HDAC4: variants seen among roughly 807,000 people sequenced by gnomAD.
HDAC4 encodes histone deacetylase 4, also known as histone deacetylase A.
In HDAC4, 16 loss-of-function variants were observed where a neutral mutation model predicts 135.1. That is an observed-to-expected ratio of 0.12 (90% CI 0.08 to 0.18). The LOEUF (loss-of-function observed/expected upper bound fraction) is 0.18. Among genes scored for constraint, HDAC4 ranks in the 10% least tolerant of loss-of-function variants. The pLI, the probability that HDAC4 is intolerant of heterozygous loss-of-function variation, is 1.00. For missense variants in HDAC4, 1,143 were observed against 1,511.8 expected (o/e 0.76, Z 4.05); for synonymous variants, 685 against 653.4 (o/e 1.05, Z -0.74).
At chr2:239,184,782 A>AG (rs2044419230) in intron 4 of HDAC4, among the ~76,000 whole-genome samples, 1 of 60,788 alleles carries the variant, frequency 1.6e-5, no homozygotes, top group Admixed American at 2.6e-4. Flanking sequence ...TCTGCCCTGG[A>AG]GGATGTGTCC....
At chr2:239,396,126 G>A (rs34987852) in intron 1 of HDAC4, among the ~76,000 whole-genome samples, 5 of 151,400 alleles carry the variant, frequency 3.3e-5, no homozygotes, top group Admixed American at 6.6e-5. Context: ...ACAGGCACAC[G>A]ACGTCATGCC....
intron 11 of HDAC4, 81 bp downstream of exon 11, chr2:239,134,164 C>T: frequency 2.6e-6 from 3 of 1,166,900 alleles, no homozygotes; most frequent in Non-Finnish European, 2.5e-6. Context: ...CTGTCTCCTC[C>T]AAAGGCAGGC....
At chr2:239,106,063 C>T (rs573755315) in intron 15 of HDAC4, among the ~76,000 whole-genome samples, 94 of 152,348 alleles carry the variant, frequency 6.2e-4, no homozygotes, top group Non-Finnish European at 1.0e-3. Context: ...CCCTGAGATC[C>T]TGCCAGGCTC....
intron 22 of HDAC4, among the ~76,000 whole-genome samples, chr2:239,074,477 G>T (rs2034532075): frequency 6.6e-6 from 1 of 152,268 alleles, no homozygotes; most frequent in Non-Finnish European, 1.5e-5. Flanking sequence ...TAGGCTTGGT[G>T]TGTGGTGTTG....
Position 239,134,562 on chromosome 2 carries a change from T to C in HDAC4, c.1060A>G (p.Ile354Val). The change falls in exon 10 of 27, where the codon ATC becomes GTC. Residue 354 changes from isoleucine (I) to valine (V), a missense_variant. Physicochemically the swap from Ile to Val is conservative, Grantham distance 29. This residue lies in a region of HDAC4 where 272 missense variants were observed against 309.7 expected (regional missense o/e 0.88). Transcript: ENST00000543185. ...CCGGTGGCAGGCAGGCCCAGCGTGA[T>C]GTTGGGCAAGGATGGCGATGTGTAG... is the stretch of plus-strand genomic sequence containing the variant. ...PLYTSPSLPN[I>V]TLGLPATGPS... is the part of the protein sequence containing the mutation. 1 of 1,614,126 alleles carries C rather than the reference T, an allele frequency of 6.2e-7. No homozygotes were observed. Among genetic ancestry groups the C allele is most frequent in the Non-Finnish European group, 8.5e-7 (1 of 1,180,002 alleles).
intron 2 of HDAC4, among the ~76,000 whole-genome samples, chr2:239,330,970 C>G (rs1367406614): frequency 6.6e-6 from 1 of 152,218 alleles, no homozygotes; most frequent in Admixed American, 6.5e-5. Flanking sequence ...GCCCCACATG[C>G]CACGCTGCTG....
intron 2 of HDAC4, among the ~76,000 whole-genome samples, chr2:239,334,593 A>T (rs1055671863): frequency 6.6e-6 from 1 of 152,164 alleles, no homozygotes; most frequent in African/African-American, 2.4e-5. Flanking sequence ...GAAATTACAG[A>T]TGCTCGAAAA....
At chr2:239,105,910 C>T (rs1416496441) in intron 15 of HDAC4, among the ~76,000 whole-genome samples, 1 of 152,238 alleles carries the variant, frequency 6.6e-6, no homozygotes, top group African/African-American at 2.4e-5. Flanking sequence ...TGAGTTAGCA[C>T]ACTGCTCGCT....
At chr2:239,394,351 G>A (rs1198342885) in intron 1 of HDAC4, among the ~76,000 whole-genome samples, 6 of 152,122 alleles carry the variant, frequency 3.9e-5, no homozygotes, top group East Asian at 1.9e-4. Flanking sequence ...AAATTATGAC[G>A]CTAAATAAGA....
chr2:239,338,509 C>T (rs1002161957), intron 2 of HDAC4, among the ~76,000 whole-genome samples: 1 of 152,196 alleles, frequency 6.6e-6, no homozygotes, highest in Non-Finnish European at 1.5e-5. Context: ...AATTGACACA[C>T]TAAAAGAACG....
At chr2:239,086,506 T>G (rs1288896789) in intron 19 of HDAC4, among the ~76,000 whole-genome samples, 1 of 151,914 alleles carries the variant, frequency 6.6e-6, no homozygotes, top group Non-Finnish European at 1.5e-5. Context: ...AAGGAGACTC[T>G]GCTCTAACAT....
chr2:239,248,522 A>C (rs1452834434), intron 2 of HDAC4, among the ~76,000 whole-genome samples: 2 of 152,154 alleles, frequency 1.3e-5, no homozygotes, highest in African/African-American at 4.8e-5. Flanking sequence ...CAATTCACTG[A>C]AAATGTATTT....
intron 6 of HDAC4, among the ~76,000 whole-genome samples, chr2:239,161,548 T>C (rs1169765840): frequency 6.6e-6 from 1 of 152,158 alleles, no homozygotes; most frequent in African/African-American, 2.4e-5. Flanking sequence ...CACTCCATGA[T>C]GTTTAAGTTC....
chr2:239,274,255 T>C (rs975793297), intron 2 of HDAC4, among the ~76,000 whole-genome samples: 8 of 152,230 alleles, frequency 5.3e-5, no homozygotes, highest in Non-Finnish European at 8.8e-5. Flanking sequence ...GGGCTCACAA[T>C]TGTGGAAGGT....
intron 24 of HDAC4, among the ~76,000 whole-genome samples, chr2:239,062,565 C>T (rs980964774): frequency 6.6e-6 from 1 of 152,212 alleles, no homozygotes; most frequent in African/African-American, 2.4e-5. Flanking sequence ...AAGAACAGGC[C>T]ACGGCTGAAA....
chr2:239,122,412 C>T (rs1190116399), intron 12 of HDAC4, among the ~76,000 whole-genome samples: 3 of 152,226 alleles, frequency 2.0e-5, no homozygotes, highest in Non-Finnish European at 4.4e-5. Context: ...CAAGTCCGGA[C>T]GTGGCCAGCG....
chr2:239,067,004 G>A lies in HDAC4; in HGVS notation c.2870-149C>T, dbSNP rs76447043. The stretch of plus-strand genomic sequence containing the variant: ...CCGGGTTTCGTTTAATAAATTCGCT[G>A]AAGAGTTTCGGCTTTGGATTTCCTC... On this transcript the variant is annotated intron_variant, in intron 23 of 26. Coordinates refer to ENST00000543185, the MANE Select transcript of HDAC4 (RefSeq NM_001378414.1). 1.0e-3 allele frequency: 896 copies of A among 898,658 alleles called. 11 individuals are homozygous for A. The East Asian group carries it at 0.017, about 17-fold the overall frequency. 55.7% of individuals were successfully genotyped at this position (898,658 alleles called of 1,614,324 possible).
chr2:239,073,737 C>T (rs1314520095), intron 22 of HDAC4, among the ~76,000 whole-genome samples: 2 of 152,344 alleles, frequency 1.3e-5, no homozygotes, highest in East Asian at 1.9e-4. Context: ...GGCCTCAGAG[C>T]GTGCGTGGAG....
Position 239,121,839 on chromosome 2 carries a change from T to TTC in HDAC4, c.1533+4615_1533+4616dup, listed in dbSNP as rs149473881. On this transcript the variant is annotated intron_variant, in intron 12 of 26. Coordinates refer to ENST00000543185, the MANE Select transcript of HDAC4 (RefSeq NM_001378414.1). The stretch of plus-strand genomic sequence containing the variant: ...GGCCATGGCTGCAAACAAAGCCTGC[T>TTC]TCTCTCTCTCTCTCTCCTTTGACAT... 9.7e-3 allele frequency among the ~76,000 whole-genome samples: 1,471 copies of TTC among 151,850 alleles called. 21 individuals are homozygous for TTC. The highest frequency in any genetic ancestry group is 0.033 in the African/African-American group (1,385 of 41,450).
Sources: allele counts gnomAD v4.1 joint callset (sites outside exome capture counted in the v4.1 genomes callset), GRCh38; gene constraint gnomAD v4.1.1; regional missense constraint gnomAD v4.1.1; transcripts MANE v1.5; gene names NCBI Gene and HGNC (gene_info 2026-07-23, HGNC 2026-07-21).